Variants in VAV1 observed in about 807,000 individuals in gnomAD.
The protein encoded by VAV1 is vav guanine nucleotide exchange factor 1, also known as proto-oncogene vav.
A neutral mutation model predicts 128.1 loss-of-function variants in VAV1; 33 were observed. The ratio of observed to expected loss-of-function variants is 0.26; its 90% CI spans 0.20 to 0.34. The LOEUF (loss-of-function observed/expected upper bound fraction) is 0.34. VAV1 is among the 10% of genes least tolerant of loss of function. The pLI is 1.00. For missense variants in VAV1, 715 were observed against 1,093.7 expected (o/e 0.65, Z 4.88); for synonymous variants, 394 against 409.8 (o/e 0.96, Z 0.47).
At position 6,846,415 on chromosome 19, in the gene VAV1, C is replaced by T. The variant is rs139988299; in HGVS notation, c.2013-1583C>T. 2.4e-3 allele frequency among the ~76,000 whole-genome samples: 369 copies of T among 151,250 alleles called. 1 individual carries two copies. The highest frequency in any genetic ancestry group is 0.024 in the Middle Eastern group (7 of 290). ...CAGTTTGGCCTACATGGTGAAACCC[C>T]GCCTCTATTAAAAGTACAGAAAATT... is the stretch of plus-strand genomic sequence containing the variant. On this transcript the variant is annotated intron_variant, in intron 22 of 26. Coordinates refer to ENST00000602142, the MANE Select transcript of VAV1 (RefSeq NM_005428.4).
intron 7 of VAV1, 87 bp downstream of exon 7, chr19:6,825,208 G>A: frequency 6.3e-7 from 1 of 1,577,138 alleles, no homozygotes; most frequent in Non-Finnish European, 8.7e-7. Flanking sequence ...CGGGGGTTGG[G>A]AGTTGAGCGG....
At chr19:6,792,482 A>G (rs1166526483) in intron 1 of VAV1, among the ~76,000 whole-genome samples, 4 of 152,150 alleles carry the variant, frequency 2.6e-5, no homozygotes, top group Non-Finnish European at 4.4e-5. Context: ...TAGGAAGACT[A>G]GGGGAGGAAC....
chr19:6,772,731 C>A lies in VAV1; in HGVS notation c.-77C>A, dbSNP rs1014833842. 2.0e-6 allele frequency: 3 copies of A among 1,481,784 alleles called. No homozygotes were observed. The highest frequency in any genetic ancestry group is 2.7e-6 in the Non-Finnish European group (3 of 1,092,228). 91.8% of individuals were successfully genotyped at this position (1,481,784 alleles called of 1,614,324 possible). On this transcript the variant is annotated 5_prime_UTR_variant, in exon 1 of 27. Transcript: ENST00000602142. The surrounding 1 kb of genome is among the most constrained non-coding windows in gnomAD (Gnocchi z 4.8). Reference sequence around the variant, plus strand: ...GTAGCACTAGCTGTCGCTCCACAGGCGAGCAGGGCAGGCGTGCGGGCGGGT... The same window carrying A: ...GTAGCACTAGCTGTCGCTCCACAGGAGAGCAGGGCAGGCGTGCGGGCGGGT...
chr19:6,815,165 T>G (rs74176208), intron 1 of VAV1, among the ~76,000 whole-genome samples: 2,301 of 152,118 alleles, frequency 0.015, 18 homozygotes, highest in Non-Finnish European at 0.024. Context: ...TTATTTATTT[T>G]GAGACAGGGT....
chr19:6,825,420 G>T lies in VAV1; in HGVS notation c.827+14G>T. 1 of 1,604,026 alleles carries T rather than the reference G, an allele frequency of 6.2e-7. No homozygotes were observed. The highest frequency in any genetic ancestry group is 8.5e-7 in the Non-Finnish European group (1 of 1,172,418). ...ATACAAGGAGAGGTGAGACCCAGCTGGCCAGACTGAAGCTCTGGGGTCACT... is the reference window on the plus strand; with the variant it reads ...ATACAAGGAGAGGTGAGACCCAGCTTGCCAGACTGAAGCTCTGGGGTCACT... On this transcript the variant is annotated intron_variant, in intron 8 of 26. Transcript: ENST00000602142.
intron 1 of VAV1, among the ~76,000 whole-genome samples, chr19:6,812,330 G>A (rs1449073988): frequency 6.6e-6 from 1 of 152,090 alleles, no homozygotes; most frequent in East Asian, 1.9e-4. Context: ...AGTGAAGATT[G>A]GAAGCTGATT....
intron 1 of VAV1, among the ~76,000 whole-genome samples, chr19:6,776,059 CCCATCCATCCATCCATTTATCCAT>C (rs1970613781): frequency 6.7e-6 from 1 of 150,368 alleles, no homozygotes; most frequent in African/African-American, 2.5e-5. Flanking sequence ...CATCCATCTA[CCCATCCATCCATCCATTTATCCAT>C]CCATCCATCC....
intron 1 of VAV1, among the ~76,000 whole-genome samples, chr19:6,817,183 G>C (rs922083328): frequency 2.6e-5 from 4 of 151,718 alleles, no homozygotes; most frequent in African/African-American, 9.7e-5. Flanking sequence ...AAGTAGCTGG[G>C]ATTACAGGTG....
At chr19:6,789,280 T>C (rs1183987159) in intron 1 of VAV1, among the ~76,000 whole-genome samples, 1 of 151,544 alleles carries the variant, frequency 6.6e-6, no homozygotes, top group Non-Finnish European at 1.5e-5. Context: ...TTTGACAGAG[T>C]CTCACTCTGT....
chr19:6,851,614 T>C (rs972204273), intron 24 of VAV1, among the ~76,000 whole-genome samples: 1 of 152,218 alleles, frequency 6.6e-6, no homozygotes, highest in African/African-American at 2.4e-5. Flanking sequence ...TAGCTTGTCT[T>C]TGCCTAATCT....
intron 1 of VAV1, among the ~76,000 whole-genome samples, chr19:6,797,960 A>G (rs572868488): frequency 1.3e-5 from 2 of 151,862 alleles, no homozygotes; most frequent in African/African-American, 4.8e-5. Flanking sequence ...AACCAGCTAT[A>G]TTGACATACA....
intron 1 of VAV1, among the ~76,000 whole-genome samples, chr19:6,814,014 C>T (rs973837654): frequency 1.3e-5 from 2 of 152,060 alleles, no homozygotes; most frequent in Admixed American, 6.6e-5. Flanking sequence ...GAACTATGAT[C>T]GTGCCACTCC....
At chr19:6,848,440 C>T (rs956670759) in intron 23 of VAV1, among the ~76,000 whole-genome samples, 1 of 151,048 alleles carries the variant, frequency 6.6e-6, no homozygotes, top group African/African-American at 2.4e-5. Flanking sequence ...TGACAGAGTC[C>T]CTTTGTCGCC....
chr19:6,783,547 T>G (rs7250137), intron 1 of VAV1, among the ~76,000 whole-genome samples: 5,187 of 150,494 alleles, frequency 0.034, 289 homozygotes, highest in African/African-American at 0.11. Context: ...CGATCTCTGT[T>G]CAGTGCATCA....
chr19:6,782,326 T>C (rs944708746), intron 1 of VAV1, among the ~76,000 whole-genome samples: 1 of 145,082 alleles, frequency 6.9e-6, no homozygotes, highest in African/African-American at 2.6e-5. Flanking sequence ...TGAGACTCCA[T>C]CTAAAATAAA....
Position 6,828,136 on chromosome 19 carries a change from A to G in VAV1, c.988A>G (p.Met330Val). 1.2e-6 allele frequency: 2 copies of G among 1,614,138 alleles called. No individual in the cohort carries two copies. Among genetic ancestry groups the G allele is most frequent in the South Asian group, 1.1e-5 (1 of 91,084 alleles). ...FTLRDLLMVPMQRVLKYHLLL... is the reference protein window; with the variant it reads ...FTLRDLLMVPVQRVLKYHLLL... ...CCTGCGGGACCTGCTGATGGTGCCT[A>G]TGCAGCGAGTTCTCAAATATCACCT... Residue 330 changes from methionine to valine, a missense_variant, in exon 10 of 27, where the codon ATG (methionine) becomes GTG (valine). Transcript: ENST00000602142. The surrounding 1 kb of genome is among the most constrained non-coding windows in gnomAD (Gnocchi z 4.5).
At chr19:6,848,967 T>C (rs950000760) in intron 23 of VAV1, among the ~76,000 whole-genome samples, 2 of 151,846 alleles carry the variant, frequency 1.3e-5, no homozygotes, top group Admixed American at 6.6e-5. Context: ...CTAATGTTTA[T>C]ATTTTTTGTA....
intron 22 of VAV1, among the ~76,000 whole-genome samples, chr19:6,847,220 T>C (rs1286612017): frequency 6.6e-6 from 1 of 152,018 alleles, no homozygotes; most frequent in East Asian, 1.9e-4. Flanking sequence ...CCAGTGCCAT[T>C]TGGTATATTT....
At chr19:6,781,051 G>A (rs2144694538) in intron 1 of VAV1, among the ~76,000 whole-genome samples, 1 of 151,728 alleles carries the variant, frequency 6.6e-6, no homozygotes, top group African/African-American at 2.4e-5. Context: ...TGGGACTACA[G>A]ATGCACACCA....
Sources: gnomAD v4.1 joint callset for allele counts (sites outside exome capture counted in the v4.1 genomes callset) on GRCh38, gnomAD v4.1.1 for gene constraint, Gnocchi (gnomAD v3.1) non-coding constraint, MANE v1.5 for transcripts, NCBI Gene and HGNC (gene_info 2026-07-23, HGNC 2026-07-21) for gene names.